PRDM5: variants seen among roughly 807,000 people sequenced by gnomAD.
PRDM5 encodes the protein PR domain zinc finger protein 5.
A neutral mutation model predicts 81.2 loss-of-function variants in PRDM5; 56 were observed. The observed-to-expected ratio is 0.69, with a 90% CI of 0.56 to 0.86. PRDM5 has a LOEUF of 0.86. Among genes scored for constraint, PRDM5 ranks in the 40% least tolerant of loss-of-function variants. The pLI is 0.00. For missense variants in PRDM5, 697 were observed against 770.1 expected (o/e 0.91, Z 1.12); for synonymous variants, 267 against 256.4 (o/e 1.04, Z -0.39).
intron 3 of PRDM5, among the ~76,000 whole-genome samples, chr4:120,841,993 T>C (rs1460061796): frequency 6.6e-6 from 1 of 152,254 alleles, no homozygotes; most frequent in African/African-American, 2.4e-5. Flanking sequence ...GAAAGCACAC[T>C]ACCACTTCAT....
chr4:120,733,629 T>C (rs1321468001), intron 14 of PRDM5, among the ~76,000 whole-genome samples: 1 of 152,208 alleles, frequency 6.6e-6, no homozygotes, highest in Non-Finnish European at 1.5e-5. Flanking sequence ...AATGCAACAA[T>C]GCCAGCTTCC....
Position 120,762,515 on chromosome 4 carries a change from A to C in PRDM5, c.1538-7877T>G, listed in dbSNP as rs188154377. The C allele has an allele frequency of 4.6e-5, 7 of 152,304 alleles. No homozygotes were observed. The East Asian group carries it at 1.3e-3, about 29-fold the overall frequency. The allele number at this position is 152,304 out of a possible 1,614,324, so 9.4% of individuals were successfully genotyped here. On this transcript the variant is annotated intron_variant, in intron 13 of 15. Coordinates refer to ENST00000264808, the MANE Select transcript of PRDM5 (RefSeq NM_018699.4). Reference sequence around the variant, plus strand: ...TTTGTAGACTAGGAAATGGTTACAAAACAGCAAACTGAATCATTCTAGGTG... The same window carrying C: ...TTTGTAGACTAGGAAATGGTTACAACACAGCAAACTGAATCATTCTAGGTG...
intron 7 of PRDM5, among the ~76,000 whole-genome samples, chr4:120,812,136 G>A (rs1443410942): frequency 2.0e-5 from 3 of 152,036 alleles, no homozygotes; most frequent in Non-Finnish European, 4.4e-5. Flanking sequence ...AATTTGTGCA[G>A]CTGTGCCTGG....
downstream of PRDM5, chr4:120,691,887 T>C (rs544508110): frequency 3.3e-5 from 5 of 152,156 alleles, no homozygotes; most frequent in African/African-American, 9.6e-5. Flanking sequence ...CATAGTTCTA[T>C]AGTAAAATAA....
intron 13 of PRDM5, among the ~76,000 whole-genome samples, chr4:120,772,628 C>T (rs993962517): frequency 6.6e-6 from 1 of 152,196 alleles, no homozygotes; most frequent in Admixed American, 6.5e-5. Context: ...CCCAGTTAAA[C>T]AGAATGGCCT....
rs554337420 is a variant in PRDM5, at chr4:120,922,454, A to G, written c.93+62T>C. ...GCGCCCCGGGCCCTGCGGCAGGGCG[A>G]CTCCGGGAGGCACAGGGCGCGCGAG... On this transcript the variant is annotated intron_variant, in intron 1 of 15. Coordinates refer to ENST00000264808, the MANE Select transcript of PRDM5 (RefSeq NM_018699.4). The G allele has an allele frequency of 6.0e-6, 8 of 1,338,954 alleles. No individual in the cohort carries two copies. The Admixed American group carries it at 2.6e-4, about 44-fold the overall frequency. 82.9% of individuals were successfully genotyped at this position (1,338,954 alleles called of 1,614,324 possible).
intron 15 of PRDM5, among the ~76,000 whole-genome samples, chr4:120,698,435 A>C (rs569821546): frequency 3.9e-5 from 6 of 152,118 alleles, no homozygotes; most frequent in Non-Finnish European, 5.9e-5. Flanking sequence ...ATCCTAACTA[A>C]GTCAGTCAGG....
At chr4:120,869,349 G>A (rs1349917650) in intron 2 of PRDM5, among the ~76,000 whole-genome samples, 4 of 152,178 alleles carry the variant, frequency 2.6e-5, no homozygotes, top group Non-Finnish European at 5.9e-5. Flanking sequence ...AGTGTTTGCA[G>A]AGCCTCCATT....
intron 2 of PRDM5, chr4:120,895,781 A>G (rs1764548553): frequency 6.6e-6 from 1 of 152,160 alleles, no homozygotes; most frequent in African/African-American, 2.4e-5. Flanking sequence ...GACTCAAACA[A>G]TCCTCTCACG....
chr4:120,695,172 A>C lies in PRDM5; in HGVS notation c.1832T>G (p.Phe611Cys). Reference sequence around the variant, plus strand: ...CACTTTGAGGTAGTCATTCCTTGTAAACTTCTTATGGCAAAACTGGCATTC... The same window carrying C: ...CACTTTGAGGTAGTCATTCCTTGTACACTTCTTATGGCAAAACTGGCATTC... ...LAECQFCHKK[F>C]TRNDYLKVHM... Residue 611 changes from phenylalanine (F) to cysteine (C), a missense_variant, in exon 16 of 16, where the codon TTT becomes TGT. Physicochemically the swap from Phe to Cys is radical, Grantham distance 205. Around this residue, in one of 3 missense-constraint regions of PRDM5, gnomAD observed 34 missense variants for 28.1 expected, o/e 1.21. Transcript: ENST00000264808. 1 of 1,613,612 alleles carries C rather than the reference A, an allele frequency of 6.2e-7. No individual in the cohort carries two copies. Among genetic ancestry groups the C allele is most frequent in the Non-Finnish European group, 8.5e-7 (1 of 1,179,646 alleles).
At chr4:120,842,410 C>T (rs998935375) in intron 3 of PRDM5, among the ~76,000 whole-genome samples, 1 of 152,168 alleles carries the variant, frequency 6.6e-6, no homozygotes, top group Admixed American at 6.5e-5. Context: ...GTACATTCAA[C>T]TAGGTGTACC....
intron 3 of PRDM5, among the ~76,000 whole-genome samples, chr4:120,823,900 G>A (rs553754193): frequency 2.6e-5 from 4 of 152,280 alleles, no homozygotes; most frequent in African/African-American, 7.2e-5. Context: ...GCTTAGTGCC[G>A]TTCTCAGTAT....
chr4:120,867,236 C>A (rs141379322), intron 2 of PRDM5, among the ~76,000 whole-genome samples: 1 of 152,048 alleles, frequency 6.6e-6, no homozygotes, highest in Non-Finnish European at 1.5e-5. Context: ...CCTACCTGGA[C>A]TTCTCACCCA....
chr4:120,849,576 G>C (rs1197429196), intron 3 of PRDM5, among the ~76,000 whole-genome samples: 1 of 151,944 alleles, frequency 6.6e-6, no homozygotes, highest in East Asian at 1.9e-4. Context: ...GATAAGTATG[G>C]CAACTAGTCA....
rs185075822 is a variant in PRDM5 at position 120,834,062 on chromosome 4, T to C, written c.301-12717A>G. On this transcript the variant is annotated intron_variant, in intron 3 of 15. Transcript: ENST00000264808. ...TAAAACATTGGTTATTACAGGAAAT[T>C]TGTAAACGATCAGACTAAAAAAGTA... is the stretch of plus-strand genomic sequence containing the variant. Among the ~76,000 whole-genome samples the C allele has an allele frequency of 2.4e-4, 36 of 152,184 alleles. No homozygotes were observed. The East Asian group carries it at 7.0e-3, about 29-fold the overall frequency.
At chr4:120,884,362 T>C (rs1197841656) in intron 2 of PRDM5, among the ~76,000 whole-genome samples, 1 of 152,124 alleles carries the variant, frequency 6.6e-6, no homozygotes, top group Non-Finnish European at 1.5e-5. Context: ...ACACTTTTCC[T>C]ACCTTCATTT....
At chr4:120,718,933 C>T (rs569860074) in intron 14 of PRDM5, among the ~76,000 whole-genome samples, 58 of 152,160 alleles carry the variant, frequency 3.8e-4, no homozygotes, top group Non-Finnish European at 6.6e-4. Flanking sequence ...AAATGTCTCA[C>T]TAATTTCCAC....
At chr4:120,859,388 A>T (rs1579015907) in intron 2 of PRDM5, among the ~76,000 whole-genome samples, 1 of 117,662 alleles carries the variant, frequency 8.5e-6, no homozygotes, top group Non-Finnish European at 2.1e-5. Flanking sequence ...CCCGGCTAAT[A>T]ATTTTATTTT....
chr4:120,766,942 A>G (rs1477037001), intron 13 of PRDM5, among the ~76,000 whole-genome samples: 1 of 152,228 alleles, frequency 6.6e-6, no homozygotes, highest in Non-Finnish European at 1.5e-5. Context: ...TTTATAAAAA[A>G]TAACATTTTC....
Sources: allele counts gnomAD v4.1 joint callset (sites outside exome capture counted in the v4.1 genomes callset), GRCh38; gene constraint gnomAD v4.1.1; regional missense constraint gnomAD v4.1.1; transcripts MANE v1.5; gene names NCBI Gene and HGNC (gene_info 2026-07-23, HGNC 2026-07-21).